Variants in GPX8 observed in about 807,000 individuals in gnomAD.
The protein encoded by GPX8 is glutathione peroxidase 8 (putative), also known as protein peroxidase GPX8.
In GPX8, 12 loss-of-function variants were observed where a neutral mutation model predicts 17.8. The observed-to-expected ratio is 0.67, with a 90% CI of 0.43 to 1.09. The LOEUF (loss-of-function observed/expected upper bound fraction) is 1.09. Ranked by LOEUF, GPX8 falls within the 50% of genes least tolerant of loss-of-function variation. GPX8 has a pLI of 0.00. For synonymous variants in GPX8, 86 were observed against 88.1 expected (o/e 0.98, Z 0.14); for missense variants, 209 against 235.6 (o/e 0.89, Z 0.74).
At position 55,165,608 on chromosome 5, in the gene GPX8, T is replaced by C. The variant is rs1194137617; in HGVS notation, c.*1390T>C. The C allele has an allele frequency of 6.6e-6, 1 of 152,230 alleles. No individual in the cohort carries two copies. The highest frequency in any genetic ancestry group is 1.9e-4 in the East Asian group (1 of 5,196). 9.4% of individuals were successfully genotyped at this position (152,230 alleles called of 1,614,324 possible). ...AACCAAAAATATTTCATGAAGCATCTTCTGCTTCAGAGTCCATATCCAGCC... is the reference window on the plus strand; with the variant it reads ...AACCAAAAATATTTCATGAAGCATCCTCTGCTTCAGAGTCCATATCCAGCC... On this transcript the variant is annotated 3_prime_UTR_variant, in exon 3 of 3. Coordinates refer to ENST00000503787, the MANE Select transcript of GPX8 (RefSeq NM_001008397.4).
chr5:55,164,284 A>T lies in GPX8; in HGVS notation c.*66A>T. 8.7e-7 allele frequency: 1 copy of T among 1,145,078 alleles called. No homozygotes were observed. The highest frequency in any genetic ancestry group is 1.1e-6 in the Non-Finnish European group (1 of 869,926). The allele number at this position is 1,145,078 out of a possible 1,614,324, so 70.9% of individuals were successfully genotyped here. On this transcript the variant is annotated 3_prime_UTR_variant, in exon 3 of 3. Coordinates refer to ENST00000503787, the MANE Select transcript of GPX8 (RefSeq NM_001008397.4). Reference sequence around the variant, plus strand: ...ATGAGGGTTTGGTCTCATTTTAAACATTTTTTTTTTGGAGACAGTGTCTCA... The same window carrying T: ...ATGAGGGTTTGGTCTCATTTTAAACTTTTTTTTTTTGGAGACAGTGTCTCA...
rs765785450 is a variant in GPX8 at position 55,164,218 on chromosome 5, A to T, written c.630A>T (p.Ter210CysextTer21). The T allele has an allele frequency of 3.9e-6, 6 of 1,531,586 alleles. No homozygotes were observed. The East Asian group carries it at 1.4e-4, about 35-fold the overall frequency. 94.9% of individuals were successfully genotyped at this position (1,531,586 alleles called of 1,614,324 possible). ...TCATAAAAAAGAAAGAGGATCTATG[A>T]GAATGCCATTGCGTTTCTAATAGAA... is the stretch of plus-strand genomic sequence containing the variant. ...QVIIKKKEDL[*>C] The change falls in exon 3 of 3, where the codon TGA (stop) becomes TGT (cysteine). Residue 210 changes from the stop codon to cysteine (C), a stop_lost. Transcript: ENST00000503787.
chr5:55,163,284 C>T (rs1013298484), intron 2 of GPX8, among the ~76,000 whole-genome samples: 34 of 151,946 alleles, frequency 2.2e-4, no homozygotes, highest in Non-Finnish European at 4.6e-4. Context: ...CTTTGGGAGG[C>T]CAAGACAGGA....
chr5:55,164,310 C>A lies in GPX8; in HGVS notation c.*92C>A. ...TTTTTTTTTTGGAGACAGTGTCTCA[C>A]TCTGTCACCCAGGCTGGAGTGCAGT... On this transcript the variant is annotated 3_prime_UTR_variant, in exon 3 of 3. Transcript: ENST00000503787. 1 of 929,464 alleles carries A rather than the reference C, an allele frequency of 1.1e-6. No individual in the cohort carries two copies. The highest frequency in any genetic ancestry group is 1.5e-6 in the Non-Finnish European group (1 of 671,444). The allele number at this position is 929,464 out of a possible 1,614,324, so 57.6% of individuals were successfully genotyped here.
In GPX8 at chr5:55,160,401, G is replaced by GT; in HGVS notation, c.204+7dup. 1 of 1,602,800 alleles carries GT rather than the reference G, an allele frequency of 6.2e-7. No homozygotes were observed. Among genetic ancestry groups the GT allele is most frequent in the East Asian group, 2.2e-5 (1 of 44,816 alleles). On this transcript the variant is annotated splice_donor_region_variant and intron_variant, in intron 1 of 2. Transcript: ENST00000503787. ...CTGGAAAAGTATAAAGGCAAAGTAAGTTGCATCATCTGATTTTTATTGTTA... is the reference window on the plus strand; with the variant it reads ...CTGGAAAAGTATAAAGGCAAAGTAAGTTTGCATCATCTGATTTTTATTGTTA...
Position 55,166,353 on chromosome 5 carries a change from C to T in GPX8, c.*2135C>T, listed in dbSNP as rs1402567713. 6.6e-6 allele frequency: 1 copy of T among 152,208 alleles called. No homozygotes were observed. The highest frequency in any genetic ancestry group is 6.5e-5 in the Admixed American group (1 of 15,276). 9.4% of individuals were successfully genotyped at this position (152,208 alleles called of 1,614,324 possible). On this transcript the variant is annotated 3_prime_UTR_variant, in exon 3 of 3. Transcript: ENST00000503787. ...AGTGGGTTTCTTCACTTACATCTCTCTAATCTTGGCTGCCTTATTCAACCT... is the reference window on the plus strand; with the variant it reads ...AGTGGGTTTCTTCACTTACATCTCTTTAATCTTGGCTGCCTTATTCAACCT...
At chr5:55,160,843 T>G in intron 1 of GPX8, 151 bp from the exon 2 acceptor site, 1 of 787,626 alleles carries the variant, frequency 1.3e-6, no homozygotes, top group Non-Finnish European at 1.9e-6. Flanking sequence ...GGTTACAGTT[T>G]TCAATAGAAC....
rs970833336 is a variant in GPX8, at chr5:55,166,274, T to C, written c.*2056T>C. 8 of 152,246 alleles carry C rather than the reference T, an allele frequency of 5.3e-5. No homozygotes were observed. Among genetic ancestry groups the C allele is most frequent in the African/African-American group, 1.9e-4 (8 of 41,460 alleles). The allele number at this position is 152,246 out of a possible 1,614,324, so 9.4% of individuals were successfully genotyped here. A position where few individuals can be genotyped will look rare whatever the true frequency, so the allele number is the denominator to read the frequency against. On this transcript the variant is annotated 3_prime_UTR_variant, in exon 3 of 3. Coordinates refer to ENST00000503787, the MANE Select transcript of GPX8 (RefSeq NM_001008397.4). Reference sequence around the variant, plus strand: ...ACAACCAGGACTGTCCCAGTCAACATGATACAGATGAACATCCTGCCTTAA... The same window carrying C: ...ACAACCAGGACTGTCCCAGTCAACACGATACAGATGAACATCCTGCCTTAA...
rs1360914804 is a variant in GPX8, at chr5:55,165,879, C to T, written c.*1661C>T. 1 of 152,232 alleles carries T rather than the reference C, an allele frequency of 6.6e-6. No homozygotes were observed. Among genetic ancestry groups the T allele is most frequent in the Non-Finnish European group, 1.5e-5 (1 of 68,054 alleles). The allele number at this position is 152,232 out of a possible 1,614,324, so 9.4% of individuals were successfully genotyped here. The stretch of plus-strand genomic sequence containing the variant: ...CTTTGCAACTCTAAAAGTCAATTAA[C>T]ACACTTACTAAGGTGTTTTAAGTGA... On this transcript the variant is annotated 3_prime_UTR_variant, in exon 3 of 3. Transcript: ENST00000503787.
At chr5:55,160,899 G>A in intron 1 of GPX8, 95 bp from the exon 2 acceptor site, 2 of 1,272,606 alleles carry the variant, frequency 1.6e-6, no homozygotes, top group South Asian at 1.5e-5. Context: ...AGAGGTTATA[G>A]TCCCCCCCAA....
rs987250846 is a variant in GPX8 at position 55,165,267 on chromosome 5, C to T, written c.*1049C>T. 5 of 152,140 alleles carry T rather than the reference C, an allele frequency of 3.3e-5. No individual in the cohort carries two copies. The highest frequency in any genetic ancestry group is 1.2e-4 in the African/African-American group (5 of 41,430). 9.4% of individuals were successfully genotyped at this position (152,140 alleles called of 1,614,324 possible). A position where few individuals can be genotyped will look rare whatever the true frequency, so the allele number is the denominator to read the frequency against. The stretch of plus-strand genomic sequence containing the variant: ...CTTAGAGTCACAAGGCATTTCTTCT[C>T]CCAAAGTCATGACCTTTATATTTTG... On this transcript the variant is annotated 3_prime_UTR_variant, in exon 3 of 3. Coordinates refer to ENST00000503787, the MANE Select transcript of GPX8 (RefSeq NM_001008397.4).
chr5:55,161,095 C>T lies in GPX8; in HGVS notation c.306C>T (p.Ser102=), dbSNP rs1561302971. Residue 102 remains serine, a synonymous_variant, in exon 2 of 3, where the codon AGC becomes AGT. Transcript: ENST00000503787. ...AAGAGTTTGGACCATCCCACTTCAG[C>T]GTGTTGGCTTTTCCCTGCAATCAGT... ...LHKEFGPSHF[S]VLAFPCNQFG... 1.2e-6 allele frequency: 2 copies of T among 1,614,156 alleles called. No homozygotes were observed. The highest frequency in any genetic ancestry group is 2.2e-5 in the East Asian group (1 of 44,888).
chr5:55,163,264 A>T (rs188637986), intron 2 of GPX8, among the ~76,000 whole-genome samples: 1 of 152,268 alleles, frequency 6.6e-6, no homozygotes, highest in Non-Finnish European at 1.5e-5. Flanking sequence ...TCATGCATGT[A>T]ATCCCAGCAC....
chr5:55,164,016 T>A (rs1404262390), intron 2 of GPX8, 39 bp from the exon 3 acceptor site: 15 of 1,436,070 alleles, frequency 1.0e-5, no homozygotes, highest in Admixed American at 2.2e-5. Flanking sequence ...TGACAAAGAA[T>A]AAAATTATGC....
At chr5:55,162,315 G>A (rs1435163367) in intron 2 of GPX8, among the ~76,000 whole-genome samples, 1 of 152,158 alleles carries the variant, frequency 6.6e-6, no homozygotes, top group Non-Finnish European at 1.5e-5. Flanking sequence ...AGAATCGCTT[G>A]AACCCAGAGG....
Position 55,164,340 on chromosome 5 carries a change from C to A in GPX8, c.*122C>A. 1.8e-6 allele frequency: 1 copy of A among 550,044 alleles called. No homozygotes were observed. Among genetic ancestry groups the A allele is most frequent in the Non-Finnish European group, 2.8e-6 (1 of 354,556 alleles). 34.1% of individuals were successfully genotyped at this position (550,044 alleles called of 1,614,324 possible). ...TCACCCAGGCTGGAGTGCAGTAGTGCGTTCTCAGCTCATTGCAACCTCTGC... is the reference window on the plus strand; with the variant it reads ...TCACCCAGGCTGGAGTGCAGTAGTGAGTTCTCAGCTCATTGCAACCTCTGC... On this transcript the variant is annotated 3_prime_UTR_variant, in exon 3 of 3. Coordinates refer to ENST00000503787, the MANE Select transcript of GPX8 (RefSeq NM_001008397.4).
Position 55,160,177 on chromosome 5 carries a change from T to A in GPX8, c.-16T>A. On this transcript the variant is annotated 5_prime_UTR_variant, in exon 1 of 3. Transcript: ENST00000503787. ...GAATTCCAGGCTGCTGAGACTTCCCTCTAGAATCCTCCAACATGGAGCCTC... is the reference window on the plus strand; with the variant it reads ...GAATTCCAGGCTGCTGAGACTTCCCACTAGAATCCTCCAACATGGAGCCTC... 6.2e-7 allele frequency: 1 copy of A among 1,605,636 alleles called. No homozygotes were observed. The highest frequency in any genetic ancestry group is 8.5e-7 in the Non-Finnish European group (1 of 1,172,366).
chr5:55,161,030 C>A lies in GPX8; in HGVS notation c.241C>A (p.Leu81Ile). The change falls in exon 2 of 3, where the codon CTC (leucine) becomes ATC (isoleucine). Residue 81 changes from leucine to isoleucine, a missense_variant. By Grantham distance (5) the Leu-to-Ile change is conservative. Coordinates refer to ENST00000503787, the MANE Select transcript of GPX8 (RefSeq NM_001008397.4). Reference sequence around the variant, plus strand: ...TGTAAACGTGGCCAGTGACTGCCAACTCACAGACAGAAATTACTTAGGGCT... The same window carrying A: ...TGTAAACGTGGCCAGTGACTGCCAAATCACAGACAGAAATTACTTAGGGCT... Reference protein sequence around the residue: ...LVVNVASDCQLTDRNYLGLKE... With the variant: ...LVVNVASDCQITDRNYLGLKE... 6.2e-7 allele frequency: 1 copy of A among 1,614,034 alleles called. No individual in the cohort carries two copies. The highest frequency in any genetic ancestry group is 8.5e-7 in the Non-Finnish European group (1 of 1,179,982).
chr5:55,160,554 T>C, intron 1 of GPX8, 158 bp downstream of exon 1: 1 of 587,434 alleles, frequency 1.7e-6, no homozygotes, highest in East Asian at 2.9e-5. Flanking sequence ...ACAGTTCTGA[T>C]AGTTTGCTTC....
Sources: allele counts gnomAD v4.1 joint callset (sites outside exome capture counted in the v4.1 genomes callset), GRCh38; gene constraint gnomAD v4.1.1; transcripts MANE v1.5; gene names NCBI Gene and HGNC (gene_info 2026-07-23, HGNC 2026-07-21).